ADGRL3: variants seen among roughly 807,000 people sequenced by gnomAD.
The protein encoded by ADGRL3 is calcium-independent alpha-latrotoxin receptor 3.
A neutral mutation model predicts 153.5 loss-of-function variants in ADGRL3; 62 were observed. The ratio of observed to expected loss-of-function variants is 0.40; its 90% confidence interval spans 0.33 to 0.50. The LOEUF (loss-of-function observed/expected upper bound fraction) is 0.50. Ranked by LOEUF, ADGRL3 falls within the 20% of genes least tolerant of loss-of-function variation. ADGRL3 has a pLI of 0.47. For missense variants in ADGRL3, 1,641 were observed against 1,859.4 expected, an observed-to-expected ratio of 0.88 and a Z score of 2.16; for synonymous variants, 710 against 672.5, an observed-to-expected ratio of 1.06 and a Z score of -0.86.
chr4:61,657,804 T>C (rs1434264187), intron 5 of ADGRL3, among the ~76,000 whole-genome samples: 1 of 152,196 alleles, frequency 6.6e-6, no homozygotes, highest in Non-Finnish European at 1.5e-5. Context: ...GAAAACCAAA[T>C]GAATGCCCAA....
In ADGRL3 at chr4:61,399,894, A is replaced by G. The variant is rs193091090; in HGVS notation, c.-174+16705A>G. On this transcript the variant is annotated intron_variant, in intron 2 of 26. Coordinates refer to ENST00000683033, the MANE Select transcript of ADGRL3 (RefSeq NM_001387552.1). ...AGAAACTCAGTTGAAATGACAGAGT[A>G]TAATTTCTACGTTTAAAATGTTGTG... Among the ~76,000 whole-genome samples the G allele has an allele frequency of 3.3e-5, 5 of 151,916 alleles. No individual in the cohort carries two copies. In the East Asian group the frequency reaches 9.6e-4, roughly 29 times the overall value.
At chr4:61,863,489 G>A (rs560496472) in intron 9 of ADGRL3, among the ~76,000 whole-genome samples, 2 of 151,742 alleles carry the variant, frequency 1.3e-5, no homozygotes, top group African/African-American at 2.4e-5. Flanking sequence ...CGCCCGCCTC[G>A]GCCTCCCAAA....
chr4:61,862,479 A>G (rs879490671), intron 9 of ADGRL3, among the ~76,000 whole-genome samples: 2 of 152,162 alleles, frequency 1.3e-5, no homozygotes, highest in African/African-American at 4.8e-5. Flanking sequence ...AGGAGATGGG[A>G]CCGGGATATT....
chr4:61,714,456 A>C (rs548758770), intron 6 of ADGRL3, among the ~76,000 whole-genome samples: 1 of 152,274 alleles, frequency 6.6e-6, no homozygotes, highest in South Asian at 2.1e-4. Context: ...ATTTCGGCCA[A>C]ACTGAAATGA....
chr4:61,683,190 G>C (rs574723056), intron 6 of ADGRL3, among the ~76,000 whole-genome samples: 1 of 150,486 alleles, frequency 6.6e-6, no homozygotes, highest in South Asian at 2.1e-4. Context: ...ACTGCTCACT[G>C]CAGCCTGGAC....
rs1348766756 is a variant in ADGRL3 at position 61,202,887 on chromosome 4, A to G, written c.-240+1122A>G. 6.6e-6 allele frequency among the ~76,000 whole-genome samples: 1 copy of G among 152,082 alleles called. No individual in the cohort carries two copies. Among genetic ancestry groups the G allele is most frequent in the Non-Finnish European group, 1.5e-5 (1 of 68,008 alleles). On this transcript the variant is annotated intron_variant, in intron 1 of 26. Transcript: ENST00000683033. The surrounding 1 kb of genome is among the most constrained non-coding windows in gnomAD (Gnocchi z 5.0). ...GGACGGCAGAGAGATATTTGCGGGG[A>G]TGCCGGAGCTGATGCTGCTGGAGCT...
At chr4:61,317,625 G>C (rs1306109298) in intron 1 of ADGRL3, among the ~76,000 whole-genome samples, 1 of 152,128 alleles carries the variant, frequency 6.6e-6, no homozygotes, top group African/African-American at 2.4e-5. Context: ...AGGAGAATGA[G>C]TTGTGAAATG....
chr4:61,825,497 T>C (rs1410064225), intron 9 of ADGRL3, among the ~76,000 whole-genome samples: 1 of 152,210 alleles, frequency 6.6e-6, no homozygotes, highest in Non-Finnish European at 1.5e-5. Flanking sequence ...TTTATCCTCC[T>C]TAAATCCTAT....
intron 5 of ADGRL3, among the ~76,000 whole-genome samples, chr4:61,595,925 G>T (rs924513887): frequency 1.1e-4 from 16 of 152,062 alleles, no homozygotes; most frequent in African/African-American, 3.6e-4. Flanking sequence ...TTAATTCTCT[G>T]CTGTGACAGG....
At chr4:61,983,127 T>C (rs115921746) in intron 18 of ADGRL3, among the ~76,000 whole-genome samples, 2,489 of 152,226 alleles carry the variant, frequency 0.016, 71 homozygotes, top group African/African-American at 0.055. Context: ...TTAGAATTTT[T>C]TCTAAGTATT....
chr4:61,246,670 A>G (rs1267741511), intron 1 of ADGRL3, among the ~76,000 whole-genome samples: 16 of 151,812 alleles, frequency 1.1e-4, no homozygotes, highest in Admixed American at 9.9e-4. Flanking sequence ...GAAGTTAACT[A>G]TACCCTAAAT....
intron 4 of ADGRL3, among the ~76,000 whole-genome samples, chr4:61,563,884 T>C (rs1458383324): frequency 1.3e-5 from 2 of 152,042 alleles, no homozygotes; most frequent in African/African-American, 4.8e-5. Context: ...GGTGCGCGCC[T>C]GTGATCCCAG....
chr4:61,751,948 A>T (rs1184156257), intron 8 of ADGRL3, among the ~76,000 whole-genome samples: 1 of 152,186 alleles, frequency 6.6e-6, no homozygotes, highest in East Asian at 1.9e-4. Context: ...CTTTCTTCTA[A>T]AGAAAGTGAT....
chr4:61,951,268 C>T (rs2098946290), intron 17 of ADGRL3, among the ~76,000 whole-genome samples: 3 of 152,132 alleles, frequency 2.0e-5, no homozygotes, highest in Admixed American at 1.3e-4. Flanking sequence ...GACACACAAT[C>T]TGAACTTAGG....
At chr4:61,300,012 C>T (rs2094530589) in intron 1 of ADGRL3, among the ~76,000 whole-genome samples, 1 of 151,904 alleles carries the variant, frequency 6.6e-6, no homozygotes. Context: ...GCAGAGTGGG[C>T]TTTTTATAGG....
intron 5 of ADGRL3, among the ~76,000 whole-genome samples, chr4:61,600,740 T>A (rs1443636611): frequency 6.6e-6 from 1 of 152,240 alleles, no homozygotes; most frequent in Admixed American, 6.5e-5. Flanking sequence ...TGTTTATTTT[T>A]CTATGTAAGT....
At chr4:61,549,857 GGATAA>G (rs2098732413) in intron 4 of ADGRL3, among the ~76,000 whole-genome samples, 1 of 151,694 alleles carries the variant, frequency 6.6e-6, no homozygotes, top group Non-Finnish European at 1.5e-5. Context: ...ATTTAAGAAG[GGATAA>G]GATTTTTCTT....
intron 25 of ADGRL3, among the ~76,000 whole-genome samples, chr4:62,063,947 T>G (rs1741581933): frequency 6.6e-6 from 1 of 152,126 alleles, no homozygotes; most frequent in Non-Finnish European, 1.5e-5. Context: ...ATCTATGTAT[T>G]TATTTTGAGA....
intron 4 of ADGRL3, among the ~76,000 whole-genome samples, chr4:61,570,081 A>T (rs768883229): frequency 5.3e-5 from 8 of 152,170 alleles, no homozygotes; most frequent in Non-Finnish European, 8.8e-5. Context: ...TTTTTCATTC[A>T]GGAACTTCAT....
Sources: gnomAD v4.1 joint callset for allele counts (sites outside exome capture counted in the v4.1 genomes callset) on GRCh38, gnomAD v4.1.1 for gene constraint, Gnocchi (gnomAD v3.1) non-coding constraint, MANE v1.5 for transcripts, NCBI Gene and HGNC (gene_info 2026-07-23, HGNC 2026-07-21) for gene names.